GRAMD1B: variants seen among roughly 807,000 people sequenced by gnomAD.
GRAMD1B encodes the protein protein Aster-B.
In GRAMD1B, 37 loss-of-function variants were observed where a neutral mutation model predicts 99.7. The ratio of observed to expected loss-of-function variants is 0.37; its 90% CI spans 0.29 to 0.49. GRAMD1B has a LOEUF of 0.49. Ranked by LOEUF, GRAMD1B falls within the 20% of genes least tolerant of loss-of-function variation. GRAMD1B has a pLI of 0.98. For missense variants in GRAMD1B, 888 were observed against 1,009.2 expected (o/e 0.88, Z 1.63); for synonymous variants, 427 against 387.6 (o/e 1.10, Z -1.19).
chr11:123,428,994 C>T (rs1948750393), upstream of GRAMD1B, among the ~76,000 whole-genome samples: 1 of 152,086 alleles, frequency 6.6e-6, no homozygotes, highest in African/African-American at 2.4e-5. Flanking sequence ...GAGTTTGAGA[C>T]CAGCCTGGGC....
rs1951231996 is a variant in GRAMD1B, at chr11:123,596,049, C to CT, written c.969+13dup. 14 of 1,440,650 alleles carry CT rather than the reference C, an allele frequency of 9.7e-6. No individual in the cohort carries two copies. The highest frequency in any genetic ancestry group is 1.4e-5 in the Non-Finnish European group (14 of 1,030,740). 89.2% of individuals were successfully genotyped at this position (1,440,650 alleles called of 1,614,324 possible). ...CTGATTCAGAAAAGGTAAGTGGAGT[C>CT]TAACTCTGGCCTTTCTAATCCTCCC... On this transcript the variant is annotated intron_variant, in intron 7 of 19. Transcript: ENST00000635736.
intron 2 of GRAMD1B, among the ~76,000 whole-genome samples, chr11:123,523,197 T>C (rs749531608): frequency 2.6e-5 from 4 of 152,138 alleles, no homozygotes; most frequent in Non-Finnish European, 5.9e-5. Context: ...CCGGGCATCG[T>C]GGTGCGTGCC....
chr11:123,479,159 T>C (rs563902609), intron 1 of GRAMD1B, among the ~76,000 whole-genome samples: 292 of 152,372 alleles, frequency 1.9e-3, no homozygotes, highest in African/African-American at 6.6e-3. Flanking sequence ...CAGTGAGTTC[T>C]GCCGAGCAGC....
chr11:123,495,160 T>G (rs1939097326), intron 2 of GRAMD1B, among the ~76,000 whole-genome samples: 1 of 149,046 alleles, frequency 6.7e-6, no homozygotes, highest in Non-Finnish European at 1.5e-5. Context: ...CACACACACA[T>G]AAATTATGTG....
At chr11:123,556,680 A>G (rs1349684793) in intron 2 of GRAMD1B, among the ~76,000 whole-genome samples, 1 of 152,230 alleles carries the variant, frequency 6.6e-6, no homozygotes, top group Non-Finnish European at 1.5e-5. Context: ...TTTTACCTCA[A>G]TTTCCTAAAT....
chr11:123,439,548 A>C (rs1949314487), intron 1 of GRAMD1B, among the ~76,000 whole-genome samples: 1 of 152,164 alleles, frequency 6.6e-6, no homozygotes, highest in Non-Finnish European at 1.5e-5. Context: ...TGAGGCCCTA[A>C]CACATTGGGT....
Position 123,619,164 on chromosome 11 carries a change from C to T in GRAMD1B, c.2484C>T (p.His828=), listed in dbSNP as rs756650290. 25 of 1,570,916 alleles carry T rather than the reference C, an allele frequency of 1.6e-5. No individual in the cohort carries two copies. The highest frequency in any genetic ancestry group is 2.4e-5 in the East Asian group (1 of 42,396). The change falls in exon 19 of 20, where the codon CAC becomes CAT. Residue 828 remains histidine, a synonymous_variant. Transcript: ENST00000635736. ...AQLLESQQKY[H]DTELQKWREI... ...TCTTAGAGTCCCAACAAAAGTACCA[C>T]GATACTGAGCTCCAAAAATGGAGGG...
intron 2 of GRAMD1B, among the ~76,000 whole-genome samples, chr11:123,548,323 T>TACACACACACACAC (rs1288714416): frequency 2.9e-4 from 29 of 100,500 alleles, no homozygotes; most frequent in Non-Finnish European, 4.1e-4. Context: ...TATATATATA[T>TACACACACACACAC]ATACACACAC....
chr11:123,370,218 A>G (rs1946476796), intron 1 of GRAMD1B, among the ~76,000 whole-genome samples: 1 of 150,428 alleles, frequency 6.6e-6, no homozygotes, highest in South Asian at 2.1e-4. Flanking sequence ...TGAGAGGCTG[A>G]GGTGGGAGAA....
In GRAMD1B at chr11:123,605,334, G is replaced by C; in HGVS notation, c.1179G>C (p.Glu393Asp). ...DDFNTMGYCE[E>D]IPVEENEVND... ...TGTCTCCTCTCAGATACTGTGAAGAGATCCCTGTGGAAGAGAATGAAGTGA... is the reference window on the plus strand; with the variant it reads ...TGTCTCCTCTCAGATACTGTGAAGACATCCCTGTGGAAGAGAATGAAGTGA... Residue 393 changes from glutamate (E) to aspartate (D), a missense_variant, in exon 10 of 20, where the codon GAG becomes GAC. Physicochemically the swap from Glu to Asp is conservative, Grantham distance 45. Around this residue, in one of 5 missense-constraint regions of GRAMD1B, gnomAD observed 269 missense variants for 296.6 expected, o/e 0.91. Transcript: ENST00000635736. The C allele has an allele frequency of 6.2e-7, 1 of 1,610,340 alleles. No homozygotes were observed. Among genetic ancestry groups the C allele is most frequent in the Non-Finnish European group, 8.5e-7 (1 of 1,177,774 alleles).
At chr11:123,556,211 C>T (rs1186738085) in intron 2 of GRAMD1B, among the ~76,000 whole-genome samples, 1 of 152,164 alleles carries the variant, frequency 6.6e-6, no homozygotes, top group Non-Finnish European at 1.5e-5. Flanking sequence ...AGTTTTAAAA[C>T]AATGAGATTC....
At chr11:123,429,912 TCTC>T (rs372077208), upstream of GRAMD1B, among the ~76,000 whole-genome samples, 660 of 152,210 alleles carry the variant, frequency 4.3e-3, 4 homozygotes, top group African/African-American at 0.015. The surrounding 1 kb of genome is among the most constrained non-coding windows in gnomAD (Gnocchi z 4.0). Flanking sequence ...AGTTGAAAAG[TCTC>T]CTCATTTTCC....
intron 3 of GRAMD1B, among the ~76,000 whole-genome samples, chr11:123,583,958 T>C (rs901150877): frequency 1.3e-5 from 2 of 152,118 alleles, no homozygotes; most frequent in Non-Finnish European, 2.9e-5. Context: ...AGCATTTTGC[T>C]TCTGGTCAGG....
chr11:123,463,359 A>C (rs546082010), intron 1 of GRAMD1B, among the ~76,000 whole-genome samples: 1 of 152,316 alleles, frequency 6.6e-6, no homozygotes, highest in African/African-American at 2.4e-5. Context: ...TACACTTCTT[A>C]TTTACCTGAT....
chr11:123,627,380 T>G lies in GRAMD1B; in HGVS notation c.*4785T>G, dbSNP rs777615921. 1 of 152,240 alleles carries G rather than the reference T, an allele frequency of 6.6e-6. No homozygotes were observed. Among genetic ancestry groups the G allele is most frequent in the Non-Finnish European group, 1.5e-5 (1 of 68,090 alleles). 9.4% of individuals were successfully genotyped at this position (152,240 alleles called of 1,614,324 possible). ...ACCCTGCACTCAAGGGCCAGACCAC[T>G]CTCTGCATGGACCAGACCATCTTCC... On this transcript the variant is annotated 3_prime_UTR_variant, in exon 20 of 20. Coordinates refer to ENST00000635736, the MANE Select transcript of GRAMD1B (RefSeq NM_001387025.1).
chr11:123,513,601 C>CTTTCTTTTTCTTT (rs1591772451), intron 2 of GRAMD1B, among the ~76,000 whole-genome samples: 1 of 37,348 alleles, frequency 2.7e-5, no homozygotes, highest in African/African-American at 6.9e-5. Flanking sequence ...TTCCTTCCTT[C>CTTTCTTTTTCTTT]CTTCCTTCCT....
In GRAMD1B at chr11:123,430,710, C is replaced by T. The variant is rs949758806; in HGVS notation, c.-83C>T. On this transcript the variant is annotated 5_prime_UTR_variant, in exon 1 of 20. Coordinates refer to ENST00000635736, the MANE Select transcript of GRAMD1B (RefSeq NM_001387025.1). ...CAGGATTGGGGAGTGTGCCGCGGGGCCGAGGGTGGGGAACAGCCAGAGGGA... is the reference window on the plus strand; with the variant it reads ...CAGGATTGGGGAGTGTGCCGCGGGGTCGAGGGTGGGGAACAGCCAGAGGGA... 6.8e-6 allele frequency: 4 copies of T among 586,858 alleles called. No individual in the cohort carries two copies. The highest frequency in any genetic ancestry group is 3.1e-5 in the Admixed American group (1 of 32,504). 36.4% of individuals were successfully genotyped at this position (586,858 alleles called of 1,614,324 possible). A position where few individuals can be genotyped will look rare whatever the true frequency, so the allele number is the denominator to read the frequency against.
intron 2 of GRAMD1B, among the ~76,000 whole-genome samples, chr11:123,529,062 T>A (rs1943090044): frequency 6.6e-6 from 1 of 152,218 alleles, no homozygotes; most frequent in Non-Finnish European, 1.5e-5. Flanking sequence ...GTATTATTTT[T>A]GCAGCCCCGT....
At chr11:123,613,297 T>C (rs1953859836) in intron 15 of GRAMD1B, 158 bp from the exon 16 acceptor site, 2 of 613,572 alleles carry the variant, frequency 3.3e-6, no homozygotes, top group Non-Finnish European at 5.8e-6. Flanking sequence ...TGACTGGGGC[T>C]GGGTCCCACA....
Sources: allele counts gnomAD v4.1 joint callset (sites outside exome capture counted in the v4.1 genomes callset), GRCh38; gene constraint gnomAD v4.1.1; regional missense constraint gnomAD v4.1.1; non-coding constraint Gnocchi (gnomAD v3.1); transcripts MANE v1.5; gene names NCBI Gene and HGNC (gene_info 2026-07-23, HGNC 2026-07-21).